AK9: variants seen among roughly 807,000 people sequenced by gnomAD.
AK9 encodes the protein adenylate kinase domain containing 1.
A neutral mutation model predicts 239.6 loss-of-function variants in AK9; 191 were observed. The ratio of observed to expected loss-of-function variants is 0.80; its 90% CI spans 0.71 to 0.90. The LOEUF is 0.90. AK9 is among the 40% of genes least tolerant of loss of function. The pLI is 0.00. For missense variants in AK9, 1,995 were observed against 2,214.7 expected (o/e 0.90, Z 1.99); for synonymous variants, 689 against 721.0 (o/e 0.96, Z 0.71).
intron 21 of AK9, among the ~76,000 whole-genome samples, chr6:109,567,653 T>C (rs1786760568): frequency 6.9e-6 from 1 of 145,254 alleles, no homozygotes; most frequent in African/African-American, 2.6e-5. Context: ...AAACACCGCA[T>C]GTTTTCACTC....
intron 19 of AK9, among the ~76,000 whole-genome samples, chr6:109,581,783 A>G (rs1215062805): frequency 6.6e-6 from 1 of 152,210 alleles, no homozygotes; most frequent in African/African-American, 2.4e-5. Context: ...CAGATTTTTC[A>G]ATGTCAACAA....
At position 109,509,068 on chromosome 6, in the gene AK9, C is replaced by T. The variant is rs528354793; in HGVS notation, c.4481+111G>A. The T allele has an allele frequency of 1.8e-5, 20 of 1,125,390 alleles. No individual in the cohort carries two copies. The South Asian group carries it at 2.9e-4, about 16-fold the overall frequency. 69.7% of individuals were successfully genotyped at this position (1,125,390 alleles called of 1,614,324 possible). The stretch of plus-strand genomic sequence containing the variant: ...TGCCCAGAGTTTGAGAGAAGTAGAT[C>T]ACACCCTTTATAAGAGCTTTAAGCC... On this transcript the variant is annotated intron_variant, in intron 33 of 40. Coordinates refer to ENST00000424296, the MANE Select transcript of AK9 (RefSeq NM_001145128.3).
Position 109,493,368 on chromosome 6 carries a change from AC to A in AK9, c.5736del (p.Ter1912TyrfsTer5). 6.2e-7 allele frequency: 1 copy of A among 1,609,776 alleles called. No homozygotes were observed. On this transcript the variant is annotated frameshift_variant and stop_lost, in exon 41 of 41. Coordinates refer to ENST00000424296, the MANE Select transcript of AK9 (RefSeq NM_001145128.3). LOFTEE classifies it high-confidence loss of function. ...ATTCAGGCTGCTATCACCTAAGTAA[AC>A]TACCCATTAATTGGGTCTATATTTC... ...SLRNIDPING[*>X] is the part of the protein sequence containing the mutation.
At chr6:109,612,281 C>A (rs1385037369) in intron 15 of AK9, among the ~76,000 whole-genome samples, 188 bp from the exon 16 acceptor site, 6 of 151,902 alleles carry the variant, frequency 3.9e-5, no homozygotes, top group African/African-American at 1.5e-4. Flanking sequence ...ATAACAAAAC[C>A]AGGAGTAATT....
At chr6:109,573,060 A>G in intron 21 of AK9, among the ~76,000 whole-genome samples, 1 of 152,332 alleles carries the variant, frequency 6.6e-6, no homozygotes, top group Non-Finnish European at 1.5e-5. Context: ...TAAAATTTTA[A>G]TTTAATTTTT....
intron 12 of AK9, among the ~76,000 whole-genome samples, chr6:109,623,505 C>T (rs1795116538): frequency 1.3e-5 from 2 of 152,062 alleles, no homozygotes; most frequent in South Asian, 4.2e-4. Context: ...ATCTTCCAGC[C>T]CCAGCCTAGT....
intron 25 of AK9, chr6:109,549,664 C>CTTTTTTTCT (rs1784068169): frequency 8.2e-6 from 1 of 122,100 alleles, no homozygotes; most frequent in Admixed American, 9.5e-5. Context: ...TAGATATTTT[C>CTTTTTTTCT]TTTTTTTTTT....
At chr6:109,656,313 G>A (rs1799694121) in intron 8 of AK9, among the ~76,000 whole-genome samples, 1 of 151,912 alleles carries the variant, frequency 6.6e-6, no homozygotes. Flanking sequence ...ACATATAATG[G>A]GATAACCATA....
intron 12 of AK9, chr6:109,631,771 C>T (rs924400322): frequency 1.3e-5 from 2 of 152,034 alleles, no homozygotes; most frequent in Non-Finnish European, 2.9e-5. Flanking sequence ...ATAAGTCAAT[C>T]AACAGAATAC....
At chr6:109,624,859 GTTTCT>G (rs1025632151) in intron 12 of AK9, among the ~76,000 whole-genome samples, 2 of 152,050 alleles carry the variant, frequency 1.3e-5, no homozygotes, top group African/African-American at 4.8e-5. Context: ...TGACTTTATA[GTTTCT>G]TTTCTTTTCT....
chr6:109,611,971 A>G, intron 16 of AK9, 39 bp downstream of exon 16: 1 of 1,351,882 alleles, frequency 7.4e-7, no homozygotes, highest in Non-Finnish European at 1.0e-6. Flanking sequence ...TTTTAGAACC[A>G]CAATCTAAAA....
rs772602669 is a variant in AK9 at position 109,609,683 on chromosome 6, T to C, written c.1842+682A>G. Reference sequence around the variant, plus strand: ...TACAAAGAGGTTCCATACTCTAACATCCTACATATTTTTTTCACATAGTAA... The same window carrying C: ...TACAAAGAGGTTCCATACTCTAACACCCTACATATTTTTTTCACATAGTAA... On this transcript the variant is annotated intron_variant, in intron 17 of 40. Coordinates refer to ENST00000424296, the MANE Select transcript of AK9 (RefSeq NM_001145128.3). 2.6e-5 allele frequency among the ~76,000 whole-genome samples: 4 copies of C among 152,282 alleles called. No individual in the cohort carries two copies. In the East Asian group the frequency reaches 7.7e-4, roughly 29 times the overall value.
chr6:109,605,570 A>G (rs1792741826), intron 17 of AK9, among the ~76,000 whole-genome samples: 2 of 152,188 alleles, frequency 1.3e-5, no homozygotes, highest in South Asian at 4.1e-4. Flanking sequence ...ATTCTGATGC[A>G]AATGGATAAA....
intron 19 of AK9, among the ~76,000 whole-genome samples, chr6:109,580,690 G>A (rs1788723264): frequency 6.6e-6 from 1 of 152,246 alleles, no homozygotes; most frequent in South Asian, 2.1e-4. Flanking sequence ...TCCTGTTAAT[G>A]GAGGACATTC....
At chr6:109,634,707 T>G (rs1796506347) in intron 10 of AK9, among the ~76,000 whole-genome samples, 1 of 152,176 alleles carries the variant, frequency 6.6e-6, no homozygotes, top group African/African-American at 2.4e-5. Flanking sequence ...TGTATAAGAC[T>G]GAGAACCTCA....
At chr6:109,615,255 T>A (rs1459680680) in intron 13 of AK9, among the ~76,000 whole-genome samples, 1 of 113,830 alleles carries the variant, frequency 8.8e-6, no homozygotes, top group South Asian at 4.6e-4. Context: ...TCTGTTCCCT[T>A]GGCTTTTTTT....
intron 27 of AK9, among the ~76,000 whole-genome samples, chr6:109,536,521 T>C (rs2128140036): frequency 6.6e-6 from 1 of 152,346 alleles, no homozygotes; most frequent in Middle Eastern, 3.4e-3. Context: ...GATGGGGTTT[T>C]CTAAATACAC....
intron 6 of AK9, 81 bp from the exon 7 acceptor site, chr6:109,659,494 C>T (rs146276398): frequency 1.1e-4 from 167 of 1,490,116 alleles, no homozygotes; most frequent in Non-Finnish European, 1.4e-4. Flanking sequence ...ATATATTGTA[C>T]AGTACATAAA....
intron 21 of AK9, among the ~76,000 whole-genome samples, chr6:109,566,239 T>G (rs1023564411): frequency 6.6e-6 from 1 of 152,108 alleles, no homozygotes; most frequent in Non-Finnish European, 1.5e-5. Context: ...AGTACACGTG[T>G]GTGGGAGTCA....
Sources: gnomAD v4.1 joint callset for allele counts (sites outside exome capture counted in the v4.1 genomes callset) on GRCh38, gnomAD v4.1.1 for gene constraint, MANE v1.5 for transcripts, NCBI Gene and HGNC (gene_info 2026-07-23, HGNC 2026-07-21) for gene names.